USP34: variants seen among roughly 807,000 people sequenced by gnomAD.
USP34 encodes ubiquitin specific peptidase 34.
USP34 carries 70 observed loss-of-function variants against 460.3 expected under a neutral mutation model. The ratio of observed to expected loss-of-function variants is 0.15; its 90% CI spans 0.13 to 0.19. The LOEUF (loss-of-function observed/expected upper bound fraction) is 0.19. Among genes scored for constraint, USP34 ranks in the 10% least tolerant of loss-of-function variants. The pLI, the probability that USP34 is intolerant of heterozygous loss-of-function variation, is 1.00. For synonymous variants in USP34, 1,647 were observed against 1,405.3 expected, an observed-to-expected ratio of 1.17 and a Z score of -3.85; for missense variants, 3,985 against 4,236.2, an observed-to-expected ratio of 0.94 and a Z score of 1.65.
intron 5 of USP34, among the ~76,000 whole-genome samples, chr2:61,388,784 T>G (rs1056466484): frequency 1.7e-4 from 25 of 143,020 alleles, no homozygotes; most frequent in Admixed American, 5.0e-4. Context: ...TATATATATA[T>G]GTACACACAC....
intron 53 of USP34, among the ~76,000 whole-genome samples, chr2:61,239,832 C>A (rs1688194246): frequency 6.6e-6 from 1 of 151,898 alleles, no homozygotes; most frequent in Non-Finnish European, 1.5e-5. Flanking sequence ...CACAGTGAAA[C>A]CCCTCTCTAC....
intron 1 of USP34, among the ~76,000 whole-genome samples, chr2:61,452,632 C>T (rs1194263886): frequency 6.6e-6 from 1 of 151,780 alleles, no homozygotes; most frequent in Non-Finnish European, 1.5e-5. Context: ...CCTGTAATCC[C>T]CAGCACTTTG....
intron 19 of USP34, among the ~76,000 whole-genome samples, 199 bp from the exon 20 acceptor site, chr2:61,331,570 C>A (rs1338773832): frequency 6.6e-6 from 1 of 151,778 alleles, no homozygotes; most frequent in Admixed American, 6.6e-5. Flanking sequence ...ATTTAAAGTA[C>A]CTTTGTAAGT....
intron 8 of USP34, among the ~76,000 whole-genome samples, chr2:61,372,045 A>G (rs1290572752): frequency 2.0e-5 from 3 of 152,306 alleles, no homozygotes; most frequent in Non-Finnish European, 2.9e-5. Context: ...CCATATGACT[A>G]TATTATAAAA....
intron 49 of USP34, among the ~76,000 whole-genome samples, chr2:61,247,997 G>A (rs1213528321): frequency 6.6e-6 from 1 of 151,958 alleles, no homozygotes. Flanking sequence ...GACCAACCTA[G>A]CCAACACGGC....
intron 2 of USP34, among the ~76,000 whole-genome samples, chr2:61,417,932 G>C (rs1374540021): frequency 6.6e-6 from 1 of 150,460 alleles, no homozygotes; most frequent in East Asian, 1.9e-4. Context: ...GTAGAGACAG[G>C]GTTTCACCGT....
At chr2:61,384,291 C>T (rs1693067773) in intron 5 of USP34, among the ~76,000 whole-genome samples, 1 of 151,990 alleles carries the variant, frequency 6.6e-6, no homozygotes, top group African/African-American at 2.4e-5. Flanking sequence ...GTTTTATTTT[C>T]AAAAATAGTA....
chr2:61,257,940 C>A (rs909544410), intron 44 of USP34, among the ~76,000 whole-genome samples: 2 of 152,122 alleles, frequency 1.3e-5, no homozygotes, highest in Non-Finnish European at 1.5e-5. Flanking sequence ...AAATATACAA[C>A]CTTTACAGGC....
rs374442591 is a variant in USP34, at chr2:61,370,475, A to C, written c.1158+23T>G. ...ATTCTTCTCTATCAATAGAACAGAGAAGTTATGTAATCATCCACAAACCTC... is the reference window on the plus strand; with the variant it reads ...ATTCTTCTCTATCAATAGAACAGAGCAGTTATGTAATCATCCACAAACCTC... On this transcript the variant is annotated intron_variant, in intron 9 of 79. Coordinates refer to ENST00000398571, the MANE Select transcript of USP34 (RefSeq NM_014709.4). The C allele has an allele frequency of 2.0e-4, 330 of 1,613,298 alleles. 1 individual carries two copies. The African/African-American group carries it at 3.9e-3, about 19-fold the overall frequency.
intron 2 of USP34, among the ~76,000 whole-genome samples, chr2:61,418,834 C>T (rs1326663133): frequency 1.3e-5 from 2 of 152,194 alleles, no homozygotes; most frequent in African/African-American, 4.8e-5. Flanking sequence ...ACTTTTATTA[C>T]TACGAGCTAA....
chr2:61,446,958 C>T (rs949785969), intron 1 of USP34, among the ~76,000 whole-genome samples: 1 of 151,830 alleles, frequency 6.6e-6, no homozygotes, highest in Non-Finnish European at 1.5e-5. Flanking sequence ...TACACAGCAT[C>T]AGAAAATAAC....
At position 61,257,225 on chromosome 2, in the gene USP34, G is replaced by C. The variant is rs377617887; in HGVS notation, c.5970C>G (p.Ile1990Met). The C allele has an allele frequency of 6.2e-7, 1 of 1,607,270 alleles. No homozygotes were observed. The highest frequency in any genetic ancestry group is 8.5e-7 in the Non-Finnish European group (1 of 1,177,146). ...TEFFTDLITK[I>M]EEMSPELKNT... ...TAACCAGTTCGGGAGACATTTCTTC[G>C]ATTTTGGTAATTAGATCAGTAAAAA... Residue 1990 changes from isoleucine to methionine, a missense_variant, in exon 45 of 80, where the codon ATC becomes ATG. Physicochemically the swap from Ile to Met is conservative, Grantham distance 10. Around this residue, in one of 14 missense-constraint regions of USP34, gnomAD observed 145 missense variants for 291.6 expected, o/e 0.50. Transcript: ENST00000398571.
intron 65 of USP34, 80 bp downstream of exon 65, chr2:61,222,539 G>C: frequency 1.7e-6 from 2 of 1,174,756 alleles, no homozygotes; most frequent in Non-Finnish European, 1.2e-6. Context: ...ATTTGTTCTC[G>C]AGAACAATTA....
chr2:61,444,988 T>A (rs1325100435), intron 1 of USP34, among the ~76,000 whole-genome samples: 1 of 149,334 alleles, frequency 6.7e-6, no homozygotes, highest in Non-Finnish European at 1.5e-5. Context: ...GTAAAACCGA[T>A]AGGTGATTTC....
chr2:61,275,534 G>C (rs944220183), intron 41 of USP34, among the ~76,000 whole-genome samples: 34 of 152,018 alleles, frequency 2.2e-4, no homozygotes, highest in Non-Finnish European at 5.9e-5. Flanking sequence ...TGGGGCAGGT[G>C]AATCACTTGA....
At chr2:61,212,119 G>A (rs1168622924) in intron 68 of USP34, among the ~76,000 whole-genome samples, 190 bp from the exon 69 acceptor site, 1 of 152,164 alleles carries the variant, frequency 6.6e-6, no homozygotes, top group Non-Finnish European at 1.5e-5. Flanking sequence ...AGTGGCTGAT[G>A]CCTAGCACTT....
At chr2:61,418,079 T>C (rs1469457863) in intron 2 of USP34, among the ~76,000 whole-genome samples, 3 of 150,604 alleles carry the variant, frequency 2.0e-5, no homozygotes, top group African/African-American at 7.4e-5. Flanking sequence ...AAATTCTTGT[T>C]AACATACTTT....
intron 18 of USP34, among the ~76,000 whole-genome samples, chr2:61,336,480 G>A (rs1177934684): frequency 6.6e-6 from 1 of 151,134 alleles, no homozygotes; most frequent in Non-Finnish European, 1.5e-5. Context: ...ACTCATTTTA[G>A]GAAAACTGAG....
chr2:61,188,599 G>C lies in USP34; in HGVS notation c.10144C>G (p.Pro3382Ala). The C allele has an allele frequency of 6.2e-7, 1 of 1,614,118 alleles. No homozygotes were observed. Among genetic ancestry groups the C allele is most frequent in the Non-Finnish European group, 8.5e-7 (1 of 1,180,028 alleles). The change falls in exon 80 of 80, where the codon CCA becomes GCA. Residue 3382 changes from proline to alanine, a missense_variant. Pro to Ala is a conservative substitution (Grantham distance 27). Transcript: ENST00000398571. ...GTCTCATTGTCAGAAGTGCTCGTTG[G>C]GGTCAGGACCTCCCTGGTTTCTGTT... ...MKTETREVLT[P>A]TSTSDNETRD...
Sources: allele counts gnomAD v4.1 joint callset (sites outside exome capture counted in the v4.1 genomes callset), GRCh38; gene constraint gnomAD v4.1.1; regional missense constraint gnomAD v4.1.1; transcripts MANE v1.5; gene names NCBI Gene and HGNC (gene_info 2026-07-23, HGNC 2026-07-21).